The following UCKL1 variants were observed in gnomAD, a reference collection of about 807,000 sequenced individuals.
UCKL1 encodes the protein uridine-cytidine kinase-like 1.
A neutral mutation model predicts 59.2 loss-of-function variants in UCKL1; 65 were observed. That is an observed-to-expected ratio of 1.10 (90% CI 0.90 to 1.35). The LOEUF is 1.35. Among genes scored for constraint, UCKL1 ranks in the 40% most tolerant of loss-of-function variants. UCKL1 has a pLI of 0.00. For synonymous variants in UCKL1, 410 were observed against 323.1 expected, an observed-to-expected ratio of 1.27 and a Z score of -2.88; for missense variants, 703 against 784.3, an observed-to-expected ratio of 0.90 and a Z score of 1.24.
Position 63,940,474 on chromosome 20 carries a change from CAGGT to C in UCKL1, c.1310_1313del (p.Tyr437Ter). On this transcript the variant is annotated frameshift_variant, in exon 13 of 15. Transcript: ENST00000354216. LOFTEE classifies it high-confidence loss of function. ...CATCGCTGATGTCCTTGGGCAGCCT[CAGGT>C]AGTGGAGCTGCGGGCAGCAGGGGTC... 6.2e-7 allele frequency: 1 copy of C among 1,611,714 alleles called. No homozygotes were observed. Among genetic ancestry groups the C allele is most frequent in the Non-Finnish European group, 8.5e-7 (1 of 1,179,636 alleles).
At position 63,949,581 on chromosome 20, in the gene UCKL1, GCA is replaced by G. The variant is rs557866984; in HGVS notation, c.114-2940_114-2939del. Among the ~76,000 whole-genome samples the G allele has an allele frequency of 1.2e-4, 18 of 152,362 alleles. No individual in the cohort carries two copies. The East Asian group carries it at 3.5e-3, about 29-fold the overall frequency. On this transcript the variant is annotated intron_variant, in intron 1 of 14. Transcript: ENST00000354216. ...GTGGTGATGGATGGCCCGCAGCTGT[GCA>G]CAGTGGGGCAGTCCTGCTTAGGTTC... is the stretch of plus-strand genomic sequence containing the variant.
intron 1 of UCKL1, among the ~76,000 whole-genome samples, chr20:63,952,069 C>A (rs1221080864): frequency 6.6e-6 from 1 of 152,212 alleles, no homozygotes; most frequent in Non-Finnish European, 1.5e-5. Flanking sequence ...AGAGGCAGGA[C>A]CGGCCCATCT....
intron 2 of UCKL1, 65 bp from the exon 3 acceptor site, chr20:63,946,332 A>T: frequency 6.5e-7 from 1 of 1,538,574 alleles, no homozygotes; most frequent in Non-Finnish European, 8.8e-7. Context: ...TAGGTCCCAG[A>T]GGTGCCCATC....
At chr20:63,952,180 C>T (rs1180073451) in intron 1 of UCKL1, among the ~76,000 whole-genome samples, 6 of 152,172 alleles carry the variant, frequency 3.9e-5, no homozygotes, top group African/African-American at 7.2e-5. Context: ...GTCGGGGAGG[C>T]GGAGGCTGTC....
intron 1 of UCKL1, 74 bp from the exon 2 acceptor site, chr20:63,946,717 A>G (rs1379705827): frequency 2.2e-6 from 3 of 1,377,346 alleles, no homozygotes; most frequent in East Asian, 2.6e-5. Flanking sequence ...TGGCCGGCCC[A>G]CAGGGCACCC....
chr20:63,948,923 C>G (rs73916674), intron 1 of UCKL1, among the ~76,000 whole-genome samples: 2,576 of 152,062 alleles, frequency 0.017, 77 homozygotes, highest in African/African-American at 0.059. Flanking sequence ...TCCCCGTGCA[C>G]CCGTGACACC....
chr20:63,951,064 G>A, intron 1 of UCKL1: 1 of 1,211,544 alleles, frequency 8.3e-7, no homozygotes, highest in Non-Finnish European at 1.0e-6. Context: ...GCTGGCAGAA[G>A]CTGCCTGCCA....
rs919893819 is a variant in UCKL1 at position 63,946,457 on chromosome 20, G to T, written c.300C>A (p.Ala100=). Residue 100 remains alanine, a synonymous_variant, in exon 2 of 15, where the codon GCC becomes GCA. Coordinates refer to ENST00000354216, the MANE Select transcript of UCKL1 (RefSeq NM_017859.4). ...CCACCCCCCCGCTGCTCTCACCGATGGCGAAGGCCTCTTTGGATTGCGTGC... is the reference window on the plus strand; with the variant it reads ...CCACCCCCCCGCTGCTCTCACCGATTGCGAAGGCCTCTTTGGATTGCGTGC... ...EHGTQSKEAF[A]IGLGGGSASG... 1 of 1,558,428 alleles carries T rather than the reference G, an allele frequency of 6.4e-7. No individual in the cohort carries two copies. Among genetic ancestry groups the T allele is most frequent in the African/African-American group, 1.4e-5 (1 of 73,810 alleles).
At chr20:63,945,422 T>C (rs2055895730) in intron 5 of UCKL1, among the ~76,000 whole-genome samples, 1 of 152,236 alleles carries the variant, frequency 6.6e-6, no homozygotes, top group Admixed American at 6.5e-5. Flanking sequence ...CGCACAGGCC[T>C]CAGCCGGTGG....
chr20:63,946,293 G>A (rs1400957659), intron 2 of UCKL1, 26 bp from the exon 3 acceptor site: 2 of 1,565,150 alleles, frequency 1.3e-6, no homozygotes, highest in African/African-American at 1.4e-5. Flanking sequence ...GAGACCCTCT[G>A]TGAGGAACAG....
chr20:63,943,664 T>C lies in UCKL1; in HGVS notation c.912A>G (p.Glu304=), dbSNP rs759729778. ...QHVHSQLEER[E]LSVRAALASA... is the part of the protein sequence containing the mutation. ...TGTGCAAGTCTTACCTGACGCTGAG[T>C]TCACGCTGTGGCAGCAACACAGGAA... Residue 304 remains glutamate, a synonymous_variant, in exon 8 of 15, where the codon GAA becomes GAG. Coordinates refer to ENST00000354216, the MANE Select transcript of UCKL1 (RefSeq NM_017859.4). The C allele has an allele frequency of 2.9e-5, 46 of 1,612,528 alleles. No individual in the cohort carries two copies. The highest frequency in any genetic ancestry group is 3.6e-5 in the Non-Finnish European group (43 of 1,179,866).
rs199557061 is a variant in UCKL1 at position 63,940,983 on chromosome 20, G to T, written c.1083C>A (p.Leu361=). 1 of 1,530,396 alleles carries T rather than the reference G, an allele frequency of 6.5e-7. No homozygotes were observed. The highest frequency in any genetic ancestry group is 2.1e-5 in the Admixed American group (1 of 48,202). 94.8% of individuals were successfully genotyped at this position (1,530,396 alleles called of 1,614,324 possible). The part of the protein sequence containing the change: ...IFYSKRLMRL[L]IEHALSFLPF... ...GCAGGAAGGAGAGCGCGTGCTCGAT[G>T]AGCAGCCGCATCAGTCTCTTGGAGT... The change falls in exon 10 of 15, where the codon CTC becomes CTA. Residue 361 remains leucine (L), a synonymous_variant. Transcript: ENST00000354216.
chr20:63,939,875 A>G lies in UCKL1; in HGVS notation c.*101T>C, dbSNP rs563287042. On this transcript the variant is annotated 3_prime_UTR_variant, in exon 15 of 15. Transcript: ENST00000354216. Reference sequence around the variant, plus strand: ...TTATTTTATAAAATGCATAGAATAAATTATACTAGTAACATTTTAAAAATT... The same window carrying G: ...TTATTTTATAAAATGCATAGAATAAGTTATACTAGTAACATTTTAAAAATT... The G allele has an allele frequency of 9.9e-7, 1 of 1,014,348 alleles. No individual in the cohort carries two copies. Among genetic ancestry groups the G allele is most frequent in the Admixed American group, 2.4e-5 (1 of 41,452 alleles). The allele number at this position is 1,014,348 out of a possible 1,614,324, so 62.8% of individuals were successfully genotyped here. A position where few individuals can be genotyped will look rare whatever the true frequency, so the allele number is the denominator to read the frequency against.
intron 8 of UCKL1, 22 bp downstream of exon 8, chr20:63,943,631 C>T: frequency 6.2e-7 from 1 of 1,609,408 alleles, no homozygotes; most frequent in Non-Finnish European, 8.5e-7. Flanking sequence ...TCCATCTGTG[C>T]AGACAGCTGT....
intron 1 of UCKL1, among the ~76,000 whole-genome samples, 162 bp from the exon 2 acceptor site, chr20:63,946,805 T>C (rs868185908): frequency 5.6e-4 from 85 of 151,538 alleles, no homozygotes; most frequent in Admixed American, 2.6e-4. Flanking sequence ...GGGCTGGGCG[T>C]GGTGGCTCAT....
intron 5 of UCKL1, 76 bp downstream of exon 5, chr20:63,945,575 G>A: frequency 6.7e-7 from 1 of 1,487,986 alleles, no homozygotes. Context: ...GGACAGGGCA[G>A]GAGGACGCAC....
intron 8 of UCKL1, chr20:63,942,830 A>C (rs895867006): frequency 2.4e-6 from 1 of 421,462 alleles, no homozygotes; most frequent in African/African-American, 2.0e-5. Flanking sequence ...TTCAGGAGGA[A>C]CCTGACGGGA....
At position 63,940,474 on chromosome 20, in the gene UCKL1, C is replaced by T. The variant is rs551263562; in HGVS notation, c.1314G>A (p.Leu438=). The T allele has an allele frequency of 4.3e-6, 7 of 1,611,714 alleles. No homozygotes were observed. In the African/African-American group the frequency reaches 8.0e-5, roughly 18 times the overall value. ...QLTGEPELHY[L]RLPKDISDDH... ...CATCGCTGATGTCCTTGGGCAGCCT[C>T]AGGTAGTGGAGCTGCGGGCAGCAGG... The change falls in exon 13 of 15, where the codon CTG becomes CTA. Residue 438 remains leucine, a synonymous_variant. Coordinates refer to ENST00000354216, the MANE Select transcript of UCKL1 (RefSeq NM_017859.4).
At chr20:63,954,200 A>T (rs817317) in intron 1 of UCKL1, 30,667 of 152,736 alleles carry the variant, frequency 0.2, 3,185 homozygotes, top group Non-Finnish European at 0.21. Flanking sequence ...ACCTTCCCTC[A>T]GCAGGACCTG....
Sources: allele counts gnomAD v4.1 joint callset (sites outside exome capture counted in the v4.1 genomes callset), GRCh38; gene constraint gnomAD v4.1.1; transcripts MANE v1.5; gene names NCBI Gene and HGNC (gene_info 2026-07-23, HGNC 2026-07-21).